Variants in CELF2 observed in about 807,000 individuals in gnomAD.
The protein encoded by CELF2 is CUGBP Elav-like family member 2.
CELF2 carries 8 observed loss-of-function variants against 62.6 expected under a neutral mutation model. That is an observed-to-expected ratio of 0.13 (90% confidence interval 0.07 to 0.23). The LOEUF is 0.23. Among genes scored for constraint, CELF2 ranks in the 10% least tolerant of loss-of-function variants. The pLI is 1.00. For synonymous variants in CELF2, 258 were observed against 250.0 expected, an observed-to-expected ratio of 1.03 and a Z score of -0.30; for missense variants, 333 against 671.0, an observed-to-expected ratio of 0.50 and a Z score of 5.56.
the CELF2 span, among the ~76,000 whole-genome samples, chr10:10,556,789 A>G: frequency 8.6e-5 from 13 of 151,968 alleles, no homozygotes; most frequent in Non-Finnish European, 1.6e-4. Flanking sequence ...GCCAGTTATG[A>G]TGAGCATTTT....
At chr10:11,216,951 A>G (rs1375094775) in intron 2 of CELF2, among the ~76,000 whole-genome samples, 2 of 152,262 alleles carry the variant, frequency 1.3e-5, no homozygotes, top group South Asian at 2.1e-4. Context: ...AGAATGCACT[A>G]TCCCAGCTTT....
At chr10:11,007,297 T>C (rs1351651998) in intron 1 of CELF2, among the ~76,000 whole-genome samples, 1 of 152,238 alleles carries the variant, frequency 6.6e-6, no homozygotes, top group East Asian at 1.9e-4. Flanking sequence ...AGAAACAAGA[T>C]GTATTACTTA....
the CELF2 span, among the ~76,000 whole-genome samples, chr10:10,465,772 G>C: frequency 2.6e-5 from 4 of 152,070 alleles, no homozygotes; most frequent in Non-Finnish European, 5.9e-5. Flanking sequence ...GTAAGGAAAA[G>C]AGATGGTTAT....
chr10:11,018,422 G>A (rs1018870649), intron 1 of CELF2, among the ~76,000 whole-genome samples: 27 of 151,486 alleles, frequency 1.8e-4, no homozygotes, highest in African/African-American at 6.0e-4. Context: ...GGCGGGGTCC[G>A]CGAGTCCGGG....
the CELF2 span, among the ~76,000 whole-genome samples, chr10:10,601,754 G>A: frequency 0.13 from 19,715 of 150,256 alleles, 1,552 homozygotes; most frequent in Non-Finnish European, 0.19. Context: ...TTTAAGTTCC[G>A]GGGTACATGT....
At chr10:10,757,413 A>G in the CELF2 span, among the ~76,000 whole-genome samples, 1 of 152,206 alleles carries the variant, frequency 6.6e-6, no homozygotes, top group Non-Finnish European at 1.5e-5. Flanking sequence ...GGGAATTATC[A>G]TACCATTGCA....
the CELF2 span, among the ~76,000 whole-genome samples, chr10:10,656,107 A>G: frequency 1.4e-5 from 2 of 147,456 alleles, no homozygotes; most frequent in African/African-American, 5.0e-5. Context: ...GCAGCCAAAA[A>G]ACACATGAAA....
chr10:10,540,720 C>T, the CELF2 span, among the ~76,000 whole-genome samples: 1 of 152,174 alleles, frequency 6.6e-6, no homozygotes, highest in East Asian at 1.9e-4. Flanking sequence ...GTCCCATCTA[C>T]TTCTACCAAT....
chr10:10,620,778 C>A, the CELF2 span, among the ~76,000 whole-genome samples: 1 of 147,598 alleles, frequency 6.8e-6, no homozygotes, highest in Admixed American at 6.7e-5. Flanking sequence ...TGGTGGCAGG[C>A]GCCTGTAGGT....
At chr10:11,155,451 C>G (rs537070052) in intron 1 of CELF2, among the ~76,000 whole-genome samples, 1 of 152,264 alleles carries the variant, frequency 6.6e-6, no homozygotes, top group East Asian at 1.9e-4. Flanking sequence ...TGCAGGTGAT[C>G]AGGCTGTGGA....
the CELF2 span, among the ~76,000 whole-genome samples, chr10:10,548,181 G>T: frequency 6.6e-6 from 1 of 152,168 alleles, no homozygotes. Flanking sequence ...CAGTTCCCTC[G>T]TCTCTTAAAT....
chr10:11,044,504 GCA>G (rs1340893810), intron 1 of CELF2, among the ~76,000 whole-genome samples: 1 of 152,110 alleles, frequency 6.6e-6, no homozygotes, highest in Non-Finnish European at 1.5e-5. Flanking sequence ...AATCTCTGTA[GCA>G]CAGTTTCTTC....
At chr10:10,643,473 C>G in the CELF2 span, among the ~76,000 whole-genome samples, 1 of 152,124 alleles carries the variant, frequency 6.6e-6, no homozygotes, top group African/African-American at 2.4e-5. Context: ...TGAGGCCTCC[C>G]CAGCCTTGTG....
chr10:11,134,606 G>A (rs2060136021), intron 1 of CELF2, among the ~76,000 whole-genome samples: 1 of 152,208 alleles, frequency 6.6e-6, no homozygotes, highest in South Asian at 2.1e-4. Context: ...CAGACTGTGT[G>A]CCTCTCTGTT....
At chr10:11,053,349 A>C (rs1290179248) in intron 1 of CELF2, among the ~76,000 whole-genome samples, 2 of 152,216 alleles carry the variant, frequency 1.3e-5, no homozygotes, top group African/African-American at 4.8e-5. Context: ...TTTCTAGTGC[A>C]TGAATCCTCT....
rs942925205 is a variant in CELF2 at position 11,270,782 on chromosome 10, G to T, written c.735G>T (p.Gly245=). 2 of 1,538,636 alleles carry T rather than the reference G, an allele frequency of 1.3e-6. No homozygotes were observed. The highest frequency in any genetic ancestry group is 1.8e-6 in the Non-Finnish European group (2 of 1,137,392). ...AGCAGCTCAACACTGCCACCTGGGGGAACCTGACAGGGCTGGGCGGACTGA... is the reference window on the plus strand; with the variant it reads ...AGCAGCTCAACACTGCCACCTGGGGTAACCTGACAGGGCTGGGCGGACTGA... ...QMQQLNTATW[G]NLTGLGGLTP... Residue 245 remains glycine, a synonymous_variant, in exon 7 of 13, where the codon GGG becomes GGT. Transcript: ENST00000633077. The surrounding 1 kb of genome is among the most constrained non-coding windows in gnomAD (Gnocchi z 5.8).
chr10:10,956,215 A>G (rs1277335391), intron 2 of CELF2, among the ~76,000 whole-genome samples: 1 of 152,216 alleles, frequency 6.6e-6, no homozygotes, highest in East Asian at 1.9e-4. Context: ...TATTGCTGCC[A>G]CAAAACTACC....
At chr10:10,496,808 G>A in the CELF2 span, among the ~76,000 whole-genome samples, 1 of 152,110 alleles carries the variant, frequency 6.6e-6, no homozygotes, top group African/African-American at 2.4e-5. Flanking sequence ...TGAGAAGTTT[G>A]GGGGTGTGGA....
chr10:10,494,729 T>G, the CELF2 span, among the ~76,000 whole-genome samples: 1 of 152,104 alleles, frequency 6.6e-6, no homozygotes, highest in African/African-American at 2.4e-5. Context: ...GATCTTAGAG[T>G]TTCTCATCTA....
Sources: gnomAD v4.1 joint callset for allele counts (sites outside exome capture counted in the v4.1 genomes callset) on GRCh38, gnomAD v4.1.1 for gene constraint, Gnocchi (gnomAD v3.1) non-coding constraint, MANE v1.5 for transcripts, NCBI Gene and HGNC (gene_info 2026-07-23, HGNC 2026-07-21) for gene names.